EXT1: variants seen among roughly 807,000 people sequenced by gnomAD.
EXT1 encodes exostosin glycosyltransferase 1.
A neutral mutation model predicts 82.5 loss-of-function variants in EXT1; 20 were observed. The observed-to-expected ratio is 0.24, with a 90% confidence interval of 0.17 to 0.35. EXT1 has a LOEUF of 0.35. EXT1 is among the 10% of genes least tolerant of loss of function. The pLI is 1.00. For synonymous variants in EXT1, 348 were observed against 350.8 expected, an observed-to-expected ratio of 0.99 and a Z score of 0.09; for missense variants, 757 against 936.5, an observed-to-expected ratio of 0.81 and a Z score of 2.50.
At chr8:117,976,117 C>A (rs1175226144) in intron 1 of EXT1, among the ~76,000 whole-genome samples, 1 of 152,110 alleles carries the variant, frequency 6.6e-6, no homozygotes, top group African/African-American at 2.4e-5. Context: ...TACACATGAG[C>A]TATTTAGGCC....
chr8:117,931,299 C>T (rs1333252654), intron 1 of EXT1, among the ~76,000 whole-genome samples: 1 of 152,184 alleles, frequency 6.6e-6, no homozygotes, highest in Non-Finnish European at 1.5e-5. Flanking sequence ...CCTTTCCAGA[C>T]ATGGATACAT....
chr8:117,923,841 C>T (rs963604215), intron 1 of EXT1, among the ~76,000 whole-genome samples: 8 of 152,190 alleles, frequency 5.3e-5, no homozygotes, highest in African/African-American at 1.9e-4. Context: ...TGGAGCACCA[C>T]ATTGAGAACA....
intron 1 of EXT1, among the ~76,000 whole-genome samples, chr8:117,948,512 A>G (rs1814431750): frequency 6.6e-6 from 1 of 152,202 alleles, no homozygotes; most frequent in South Asian, 2.1e-4. Flanking sequence ...ATAAACTCAT[A>G]ACCATACAAC....
In EXT1 at chr8:117,910,075, T is replaced by G. The variant is rs17479705; in HGVS notation, c.963-72874A>C. Among the ~76,000 whole-genome samples, 226 of 152,278 alleles carry G rather than the reference T, an allele frequency of 1.5e-3. 7 individuals are homozygous for G. In the East Asian group the frequency reaches 0.038, roughly 26 times the overall value. On this transcript the variant is annotated intron_variant, in intron 1 of 10. Coordinates refer to ENST00000378204, the MANE Select transcript of EXT1 (RefSeq NM_000127.3). ...AAGCCACCGCACCAGCATTAATTCT[T>G]TTACAAGCTGTCCAGGATGGGCCCT...
At chr8:117,897,801 C>A (rs763811334) in intron 1 of EXT1, among the ~76,000 whole-genome samples, 1 of 151,674 alleles carries the variant, frequency 6.6e-6, no homozygotes. Flanking sequence ...CGAGGTTTCA[C>A]CATGTTGCCC....
intron 1 of EXT1, among the ~76,000 whole-genome samples, chr8:117,991,696 G>C (rs1412361956): frequency 1.3e-5 from 2 of 152,060 alleles, no homozygotes; most frequent in Non-Finnish European, 2.9e-5. Flanking sequence ...TGAGTAGTTG[G>C]GATTACAGGC....
intron 1 of EXT1, among the ~76,000 whole-genome samples, chr8:117,986,317 G>T (rs1053068830): frequency 6.6e-6 from 1 of 151,954 alleles, no homozygotes; most frequent in Non-Finnish European, 1.5e-5. Context: ...AGCCTCCCGA[G>T]TAGCTGGGAT....
At chr8:117,951,298 CAT>C (rs1305006938) in intron 1 of EXT1, among the ~76,000 whole-genome samples, 1 of 152,222 alleles carries the variant, frequency 6.6e-6, no homozygotes, top group Non-Finnish European at 1.5e-5. Context: ...CTATCTTTCA[CAT>C]GTTATACAAA....
At chr8:117,855,128 T>C (rs1258178114) in intron 1 of EXT1, among the ~76,000 whole-genome samples, 9 of 152,212 alleles carry the variant, frequency 5.9e-5, no homozygotes, top group Non-Finnish European at 1.3e-4. Flanking sequence ...CCCCACTGCT[T>C]TGATAGGATG....
intron 1 of EXT1, among the ~76,000 whole-genome samples, chr8:118,006,359 C>A (rs571541094): frequency 6.6e-6 from 1 of 152,298 alleles, no homozygotes; most frequent in Admixed American, 6.5e-5. Context: ...TTATATGGAT[C>A]TCTGAGGTTT....
chr8:117,826,644 A>G (rs1042158161), intron 4 of EXT1, among the ~76,000 whole-genome samples: 1 of 152,142 alleles, frequency 6.6e-6, no homozygotes, highest in Non-Finnish European at 1.5e-5. Flanking sequence ...CTGAGTTATG[A>G]AGTATTTTGG....
At chr8:118,017,769 C>T (rs1816028720) in intron 1 of EXT1, among the ~76,000 whole-genome samples, 1 of 152,178 alleles carries the variant, frequency 6.6e-6, no homozygotes, top group African/African-American at 2.4e-5. Flanking sequence ...GCCAGCTAAA[C>T]AACTGTTTCC....
At chr8:117,809,245 T>TATATATATATATATG in intron 8 of EXT1, among the ~76,000 whole-genome samples, 1 of 66,050 alleles carries the variant, frequency 1.5e-5, no homozygotes, top group Non-Finnish European at 3.8e-5. Context: ...ATATATATAT[T>TATATATATATATATG]ATGTTCTATT....
rs942417190 is a variant in EXT1, at chr8:117,867,133, C to A, written c.963-29932G>T. ...AATTCGCTGGACATGATGGTGCGTGCCTGTAGTTCTAGCTACTTGGGAGGC... is the reference window on the plus strand; with the variant it reads ...AATTCGCTGGACATGATGGTGCGTGACTGTAGTTCTAGCTACTTGGGAGGC... On this transcript the variant is annotated intron_variant, in intron 1 of 10. Coordinates refer to ENST00000378204, the MANE Select transcript of EXT1 (RefSeq NM_000127.3). 3.4e-4 allele frequency among the ~76,000 whole-genome samples: 52 copies of A among 151,904 alleles called. 1 individual carries two copies. The highest frequency in any genetic ancestry group is 1.3e-4 in the Non-Finnish European group (9 of 67,996).
Position 118,073,685 on chromosome 8 carries a change from A to C in EXT1, c.962+36400T>G, listed in dbSNP as rs190807952. ...AAGAGAAGAGAAGAGAAGAGAAGAGAAGAGAAGAGAAGAGAAGAGAAGCCT... is the reference window on the plus strand; with the variant it reads ...AAGAGAAGAGAAGAGAAGAGAAGAGCAGAGAAGAGAAGAGAAGAGAAGCCT... On this transcript the variant is annotated intron_variant, in intron 1 of 10. Coordinates refer to ENST00000378204, the MANE Select transcript of EXT1 (RefSeq NM_000127.3). 4.9e-4 allele frequency among the ~76,000 whole-genome samples: 71 copies of C among 143,990 alleles called. 2 individuals are homozygous for C. In the East Asian group the frequency reaches 0.014, roughly 28 times the overall value. 94.5% of individuals were successfully genotyped at this position (143,990 alleles called of 152,430 possible).
chr8:117,907,102 T>C (rs1484880011), intron 1 of EXT1, among the ~76,000 whole-genome samples: 2 of 152,196 alleles, frequency 1.3e-5, no homozygotes, highest in Non-Finnish European at 2.9e-5. Context: ...CCTCAAGGTA[T>C]CCCTTCTTCC....
chr8:118,045,394 T>A (rs1342991751), intron 1 of EXT1, among the ~76,000 whole-genome samples: 2 of 152,118 alleles, frequency 1.3e-5, no homozygotes, highest in African/African-American at 4.8e-5. Flanking sequence ...AAAAGACAGA[T>A]GGGATGGTAG....
chr8:118,111,163 G>T lies in EXT1; in HGVS notation c.-117C>A. The stretch of plus-strand genomic sequence containing the variant: ...CGCCTGTAAAGACTTCAAACTCTCC[G>T]CTCCCACCTTCTCTGGATGCCTTTC... On this transcript the variant is annotated 5_prime_UTR_variant, in exon 1 of 11. Coordinates refer to ENST00000378204, the MANE Select transcript of EXT1 (RefSeq NM_000127.3). The T allele has an allele frequency of 2.1e-6, 3 of 1,404,870 alleles. No individual in the cohort carries two copies. Among genetic ancestry groups the T allele is most frequent in the South Asian group, 1.2e-5 (1 of 81,192 alleles). 87.0% of individuals were successfully genotyped at this position (1,404,870 alleles called of 1,614,324 possible). A position where few individuals can be genotyped will look rare whatever the true frequency, so the allele number is the denominator to read the frequency against.
At chr8:118,008,018 G>A (rs139319412) in intron 1 of EXT1, among the ~76,000 whole-genome samples, 13 of 152,134 alleles carry the variant, frequency 8.5e-5, no homozygotes, top group Admixed American at 2.0e-4. Context: ...TAGTCATGAC[G>A]ACCAAAACAA....
Sources: gnomAD v4.1 joint callset for allele counts (sites outside exome capture counted in the v4.1 genomes callset) on GRCh38, gnomAD v4.1.1 for gene constraint, MANE v1.5 for transcripts, NCBI Gene and HGNC (gene_info 2026-07-23, HGNC 2026-07-21) for gene names.